Variants in RSF1 observed in about 807,000 individuals in gnomAD.
RSF1 encodes the protein remodeling and spacing factor 1, also known as HBV pX-associated protein 8.
A neutral mutation model predicts 145.2 loss-of-function variants in RSF1; 13 were observed. The observed-to-expected ratio is 0.09, with a 90% CI of 0.06 to 0.14. RSF1 has a LOEUF of 0.14. RSF1 is among the 10% of genes least tolerant of loss of function. The pLI is 1.00. For synonymous variants in RSF1, 577 were observed against 592.6 expected (o/e 0.97, Z 0.38); for missense variants, 1,517 against 1,718.2 (o/e 0.88, Z 2.07).
At chr11:77,682,651 A>G (rs1369973793) in intron 11 of RSF1, among the ~76,000 whole-genome samples, 2 of 152,184 alleles carry the variant, frequency 1.3e-5, no homozygotes. Flanking sequence ...GCACTATGCT[A>G]GGTATAGGGG....
chr11:77,836,240 A>G, the RSF1 span, among the ~76,000 whole-genome samples: 1 of 151,580 alleles, frequency 6.6e-6, no homozygotes, highest in African/African-American at 2.4e-5. Context: ...TGCCCTCCCC[A>G]CCAACTTCAT....
intron 14 of RSF1, among the ~76,000 whole-genome samples, chr11:77,674,095 T>C (rs758353448): frequency 3.2e-4 from 48 of 152,316 alleles, no homozygotes; most frequent in Non-Finnish European, 5.7e-4. Flanking sequence ...AATTTGGTAA[T>C]TGCATTGTGG....
At chr11:77,840,119 CAA>C in the RSF1 span, among the ~76,000 whole-genome samples, 1 of 142,082 alleles carries the variant, frequency 7.0e-6, no homozygotes, top group Non-Finnish European at 1.5e-5. Context: ...CACACACACA[CAA>C]CACCCAGGGA....
At chr11:77,824,930 T>A (rs1383922690), upstream of RSF1, among the ~76,000 whole-genome samples, 1 of 152,204 alleles carries the variant, frequency 6.6e-6, no homozygotes, top group African/African-American at 2.4e-5. Flanking sequence ...TTATACACAT[T>A]TCTGTCTCCT....
chr11:77,688,827 T>A (rs1238568301), intron 9 of RSF1, among the ~76,000 whole-genome samples: 1 of 152,152 alleles, frequency 6.6e-6, no homozygotes, highest in East Asian at 1.9e-4. Context: ...CCTAGTCAAT[T>A]TGAGAGATTA....
chr11:77,692,449 T>C, intron 8 of RSF1, among the ~76,000 whole-genome samples: 1 of 105,624 alleles, frequency 9.5e-6, no homozygotes, highest in East Asian at 2.9e-4. Flanking sequence ...TTTCACCGTT[T>C]TAGCCAGGAT....
chr11:77,689,750 A>AT (rs1960100688), intron 9 of RSF1, among the ~76,000 whole-genome samples: 1 of 152,234 alleles, frequency 6.6e-6, no homozygotes, highest in East Asian at 1.9e-4. Flanking sequence ...CAGTAGGTGA[A>AT]AATGAATGAT....
intron 12 of RSF1, among the ~76,000 whole-genome samples, chr11:77,677,784 C>G (rs919690784): frequency 1.3e-5 from 2 of 152,122 alleles, no homozygotes; most frequent in Non-Finnish European, 2.9e-5. Context: ...TCAAAGACAA[C>G]TGAAAAGTTT....
intron 1 of RSF1, 149 bp downstream of exon 1, chr11:77,820,379 C>T (rs1224965977): frequency 1.4e-5 from 12 of 844,770 alleles, no homozygotes; most frequent in South Asian, 1.8e-5. Flanking sequence ...GGGGGCTGGG[C>T]GGAGAAGACC....
chr11:77,703,087 C>T (rs994569939), intron 5 of RSF1: 8 of 152,088 alleles, frequency 5.3e-5, no homozygotes, highest in Non-Finnish European at 1.0e-4. Flanking sequence ...TTGGCACTTT[C>T]TTATGATACT....
At chr11:77,708,310 T>C (rs577552363) in intron 5 of RSF1, among the ~76,000 whole-genome samples, 19 of 152,260 alleles carry the variant, frequency 1.2e-4, no homozygotes, top group African/African-American at 4.6e-4. Context: ...TTCCCTGTAG[T>C]TCCAGCTATA....
At position 77,820,699 on chromosome 11, in the gene RSF1, CCGCCGCCGT is replaced by C. The variant is rs1565191755; in HGVS notation, c.7_15del (p.Thr3_Ala5del). On this transcript the variant is annotated inframe_deletion, in exon 1 of 16. Transcript: ENST00000308488. ...GGAGGAGCCATCACCGCCGCCGCTG[CCGCCGCCGT>C]CGCCATTTTGAACTGGAGGATGGAG... is the stretch of plus-strand genomic sequence containing the variant. The C allele has an allele frequency of 6.5e-7, 1 of 1,549,586 alleles. No individual in the cohort carries two copies. Among genetic ancestry groups the C allele is most frequent in the South Asian group, 1.2e-5 (1 of 84,008 alleles).
intron 1 of RSF1, among the ~76,000 whole-genome samples, chr11:77,787,228 C>T (rs11237295): frequency 0.25 from 38,266 of 152,054 alleles, 5,500 homozygotes; most frequent in South Asian, 0.48. Context: ...TGCCCCCCAA[C>T]AGCAAGAATG....
At chr11:77,855,954 G>A in the RSF1 span, among the ~76,000 whole-genome samples, 1 of 151,922 alleles carries the variant, frequency 6.6e-6, no homozygotes, top group African/African-American at 2.4e-5. Flanking sequence ...CCTGGCTCTA[G>A]CAAAAACACA....
chr11:77,700,024 G>C (rs1960376372), intron 6 of RSF1, among the ~76,000 whole-genome samples: 1 of 151,982 alleles, frequency 6.6e-6, no homozygotes, highest in Admixed American at 6.6e-5. Context: ...TTTTAAATAA[G>C]TAAATATTTA....
At chr11:77,859,484 G>A in the RSF1 span, among the ~76,000 whole-genome samples, 13 of 152,310 alleles carry the variant, frequency 8.5e-5, no homozygotes, top group Non-Finnish European at 1.8e-4. Flanking sequence ...GGGCATGGAG[G>A]ACTAGGTAAG....
rs187479476 is a variant in RSF1 at position 77,681,395 on chromosome 11, T to C, written c.3065+2315A>G. 1.9e-3 allele frequency among the ~76,000 whole-genome samples: 297 copies of C among 152,340 alleles called. 4 individuals carry two copies. Among genetic ancestry groups the C allele is most frequent in the African/African-American group, 6.9e-3 (286 of 41,572 alleles). ...TATGTATTTCATTCATACATGCTTA[T>C]GTGCAATTTCCTTCCTTCCCTCCTT... On this transcript the variant is annotated intron_variant, in intron 11 of 15. Coordinates refer to ENST00000308488, the MANE Select transcript of RSF1 (RefSeq NM_016578.4).
chr11:77,674,149 A>G (rs1197241861), intron 14 of RSF1, among the ~76,000 whole-genome samples: 1 of 152,204 alleles, frequency 6.6e-6, no homozygotes, highest in Non-Finnish European at 1.5e-5. Context: ...AATCACTGAT[A>G]AAGGGGCATG....
chr11:77,709,665 T>G (rs1960633071), intron 5 of RSF1, among the ~76,000 whole-genome samples: 1 of 152,092 alleles, frequency 6.6e-6, no homozygotes, highest in South Asian at 2.1e-4. Flanking sequence ...TTTTGCTGTA[T>G]GATAAAGGGA....
Sources: gnomAD v4.1 joint callset for allele counts (sites outside exome capture counted in the v4.1 genomes callset) on GRCh38, gnomAD v4.1.1 for gene constraint, MANE v1.5 for transcripts, NCBI Gene and HGNC (gene_info 2026-07-23, HGNC 2026-07-21) for gene names.